DAB1: variants seen among roughly 807,000 people sequenced by gnomAD.
The protein encoded by DAB1 is disabled homolog 1.
DAB1 carries 15 observed loss-of-function variants against 64.6 expected under a neutral mutation model. The observed-to-expected ratio is 0.23, with a 90% CI of 0.16 to 0.36. DAB1 has a LOEUF of 0.36. Ranked by LOEUF, DAB1 falls within the 10% of genes least tolerant of loss-of-function variation. The pLI is 1.00. For missense variants in DAB1, 596 were observed against 706.7 expected (o/e 0.84, Z 1.78); for synonymous variants, 235 against 251.9 (o/e 0.93, Z 0.64).
chr1:58,080,868 G>A (rs1295973773), intron 5 of DAB1, among the ~76,000 whole-genome samples: 1 of 152,216 alleles, frequency 6.6e-6, no homozygotes, highest in Non-Finnish European at 1.5e-5. Flanking sequence ...ACAATTAACA[G>A]TAAGTTTTCC....
At chr1:58,160,904 C>A (rs1655499528) in intron 4 of DAB1, among the ~76,000 whole-genome samples, 1 of 152,006 alleles carries the variant, frequency 6.6e-6, no homozygotes, top group African/African-American at 2.4e-5. Context: ...CAAGGCAGCT[C>A]CTGCCTTGAA....
intron 6 of DAB1, among the ~76,000 whole-genome samples, chr1:57,734,396 C>T (rs1316970730): frequency 6.6e-6 from 1 of 152,086 alleles, no homozygotes; most frequent in Non-Finnish European, 1.5e-5. Context: ...AATCATAAAA[C>T]AAAGATAAAA....
At chr1:58,139,063 T>C (rs78652944) in intron 5 of DAB1, among the ~76,000 whole-genome samples, 93 of 152,282 alleles carry the variant, frequency 6.1e-4, no homozygotes, top group African/African-American at 2.2e-3. Context: ...TTTTCCTTCA[T>C]GAGATCTCAG....
At chr1:58,511,872 T>C (rs1286546685) in intron 2 of DAB1, among the ~76,000 whole-genome samples, 1 of 151,998 alleles carries the variant, frequency 6.6e-6, no homozygotes, top group East Asian at 1.9e-4. Flanking sequence ...AATGATTTTG[T>C]GAATATGACA....
intron 4 of DAB1, among the ~76,000 whole-genome samples, chr1:57,074,859 T>C (rs1254120961): frequency 6.6e-6 from 1 of 152,180 alleles, no homozygotes; most frequent in African/African-American, 2.4e-5. Flanking sequence ...TTAATTTTTG[T>C]TTTATTAAGA....
chr1:57,943,226 T>C (rs184369889), intron 5 of DAB1, among the ~76,000 whole-genome samples: 20 of 152,324 alleles, frequency 1.3e-4, no homozygotes, highest in Admixed American at 3.9e-4. Context: ...TAACATATTG[T>C]CTTCATCTTG....
intron 5 of DAB1, among the ~76,000 whole-genome samples, chr1:57,992,324 C>A (rs1646356688): frequency 6.6e-6 from 1 of 152,126 alleles, no homozygotes; most frequent in Non-Finnish European, 1.5e-5. Flanking sequence ...ATGGTTGTGT[C>A]CCTTGGAAAA....
chr1:57,276,565 G>C (rs1671484826), intron 2 of DAB1, among the ~76,000 whole-genome samples: 1 of 152,186 alleles, frequency 6.6e-6, no homozygotes, highest in Non-Finnish European at 1.5e-5. Context: ...CTCTAGAAGA[G>C]GCAGGAACAA....
rs557997935 is a variant in DAB1, at chr1:57,163,373, G to A, written c.68-17944C>T. Among the ~76,000 whole-genome samples, 6 of 152,242 alleles carry A rather than the reference G, an allele frequency of 3.9e-5. No homozygotes were observed. In the South Asian group the frequency reaches 1.0e-3, roughly 26 times the overall value. ...AGGAGATGTGAACAAGAAAAGGGCAGTCATGCCAGGAGGGAATGTGTTTGG... is the reference window on the plus strand; with the variant it reads ...AGGAGATGTGAACAAGAAAAGGGCAATCATGCCAGGAGGGAATGTGTTTGG... On this transcript the variant is annotated intron_variant, in intron 2 of 14. Transcript: ENST00000371236.
chr1:58,301,829 C>A (rs1435281499), intron 4 of DAB1, among the ~76,000 whole-genome samples: 15 of 152,074 alleles, frequency 9.9e-5, no homozygotes, highest in Admixed American at 9.8e-4. Flanking sequence ...ACCTCAGATC[C>A]TCATCTGTAA....
chr1:58,500,644 A>T (rs1645891514), intron 3 of DAB1, among the ~76,000 whole-genome samples: 1 of 152,208 alleles, frequency 6.6e-6, no homozygotes, highest in Non-Finnish European at 1.5e-5. Flanking sequence ...CTCTAAAAAC[A>T]TTTAAAAATA....
chr1:57,465,740 CTGTA>C (rs1408649922), intron 7 of DAB1, among the ~76,000 whole-genome samples: 1 of 152,100 alleles, frequency 6.6e-6, no homozygotes, highest in Non-Finnish European at 1.5e-5. Context: ...GGAGCTTAAT[CTGTA>C]TGTATGAAGA....
intron 3 of DAB1, among the ~76,000 whole-genome samples, chr1:58,371,494 A>G (rs557884400): frequency 2.4e-4 from 37 of 152,326 alleles, no homozygotes; most frequent in Non-Finnish European, 3.8e-4. Flanking sequence ...GCCTGACCAT[A>G]TGGTAGAAAA....
chr1:58,290,074 G>A (rs553753967), intron 4 of DAB1, among the ~76,000 whole-genome samples: 4 of 152,286 alleles, frequency 2.6e-5, no homozygotes, highest in East Asian at 1.9e-4. Context: ...CTGACTTGGC[G>A]ACATGTATTG....
At chr1:57,681,259 T>C (rs1190757727) in intron 6 of DAB1, among the ~76,000 whole-genome samples, 1 of 152,208 alleles carries the variant, frequency 6.6e-6, no homozygotes, top group African/African-American at 2.4e-5. Flanking sequence ...TTGCATCTCT[T>C]GGTCTTCAGA....
intron 4 of DAB1, among the ~76,000 whole-genome samples, chr1:57,108,580 G>C (rs1655378245): frequency 6.6e-6 from 1 of 152,112 alleles, no homozygotes; most frequent in Non-Finnish European, 1.5e-5. Context: ...AGCTCCTTGA[G>C]GCAGGGCATC....
In DAB1 at chr1:57,448,180, T is replaced by A. The variant is rs185317252; in HGVS notation, n.626-157014A>T. On this transcript the variant is annotated intron_variant and non_coding_transcript_variant, in intron 7 of 20. Transcript: ENST00000485760. ...TTAGGAATCTTGACAAATCCTAAAT[T>A]TCCCAATAACCTAATAGTTTGTAGA... Among the ~76,000 whole-genome samples the A allele has an allele frequency of 6.7e-3, 1,015 of 152,276 alleles. 25 individuals are homozygous for A. Among genetic ancestry groups the A allele is most frequent in the Non-Finnish European group, 4.3e-3 (294 of 68,020 alleles).
intron 5 of DAB1, among the ~76,000 whole-genome samples, chr1:58,010,026 T>C (rs1646644569): frequency 6.6e-6 from 1 of 152,188 alleles, no homozygotes; most frequent in Non-Finnish European, 1.5e-5. Flanking sequence ...GTGAAGTAGA[T>C]TGCTCCAATT....
chr1:57,014,049 T>A (rs564182686), intron 12 of DAB1, among the ~76,000 whole-genome samples: 1 of 152,336 alleles, frequency 6.6e-6, no homozygotes, highest in Admixed American at 6.5e-5. Context: ...AAAAAAACAC[T>A]TAACATGTGC....
Sources: allele counts gnomAD v4.1 joint callset (sites outside exome capture counted in the v4.1 genomes callset), GRCh38; gene constraint gnomAD v4.1.1; transcripts MANE v1.5; gene names NCBI Gene and HGNC (gene_info 2026-07-23, HGNC 2026-07-21).